Variants in UBE2D2 observed in about 807,000 individuals in gnomAD.
UBE2D2 encodes the protein ubiquitin-conjugating enzyme E2 D2.
Under a neutral mutation model 24.2 loss-of-function variants are expected in UBE2D2, and 2 were observed. The ratio of observed to expected loss-of-function variants is 0.08; its 90% confidence interval spans 0.03 to 0.26. The LOEUF (loss-of-function observed/expected upper bound fraction) is 0.26, where lower values mean the gene tolerates loss of function less well. UBE2D2 is among the 10% of genes least tolerant of loss of function. The pLI, the probability that UBE2D2 is intolerant of heterozygous loss-of-function variation, is 1.00. For missense variants in UBE2D2, 44 were observed against 177.6 expected (o/e 0.25, Z 4.28); for synonymous variants, 58 against 56.5 (o/e 1.03, Z -0.12).
intron 2 of UBE2D2, among the ~76,000 whole-genome samples, chr5:139,614,135 A>G (rs1327806167): frequency 6.6e-6 from 1 of 152,212 alleles, no homozygotes; most frequent in African/African-American, 2.4e-5. Context: ...AGGTAAAGAA[A>G]TAACTGTTTA....
rs59929319 is a variant in UBE2D2, at chr5:139,546,817, T to TCTTCCTTC, written c.-64+20253_-64+20260dup. ...TTTCTTTCTTTCTTTCTTCTTTCTT[T>TCTTCCTTC]CTTCCTTCCTTCCTTCCTTCCTTCC... On this transcript the variant is annotated intron_variant, in intron 1 of 6. Coordinates refer to the UBE2D2 transcript ENST00000511725. Among the ~76,000 whole-genome samples, 158 of 138,412 alleles carry TCTTCCTTC rather than the reference T, an allele frequency of 1.1e-3. 1 individual carries two copies. The highest frequency in any genetic ancestry group is 7.1e-3 in the Middle Eastern group (2 of 280). The allele number at this position is 138,412 out of a possible 152,430, so 90.8% of individuals were successfully genotyped here. A position where few individuals can be genotyped will look rare whatever the true frequency, so the allele number is the denominator to read the frequency against.
intron 1 of UBE2D2, among the ~76,000 whole-genome samples, chr5:139,570,247 G>T (rs1753321693): frequency 6.6e-6 from 1 of 152,100 alleles, no homozygotes; most frequent in Admixed American, 6.6e-5. Flanking sequence ...CTCCAGCCTG[G>T]GCAGCAGAGC....
chr5:139,570,491 C>T (rs1449134355), intron 1 of UBE2D2, among the ~76,000 whole-genome samples: 1 of 151,942 alleles, frequency 6.6e-6, no homozygotes, highest in African/African-American at 2.4e-5. Flanking sequence ...CAGGTGCATG[C>T]CACCACGCCC....
At chr5:139,567,529 GTTTTT>G (rs33998713) in intron 1 of UBE2D2, among the ~76,000 whole-genome samples, 3 of 100,126 alleles carry the variant, frequency 3.0e-5, no homozygotes, top group Admixed American at 2.2e-4. Flanking sequence ...AATTTGCTAA[GTTTTT>G]TTTTTTTTTT....
chr5:139,600,189 A>G lies in UBE2D2; in HGVS notation c.25-183A>G. The stretch of plus-strand genomic sequence containing the variant: ...AATGACCCACTTTAAAAAAATACAC[A>G]TTGCCTTGAAGAATCCAAAATACCT... On this transcript the variant is annotated intron_variant, in intron 1 of 6. Transcript: ENST00000398733. The G allele has an allele frequency of 5.7e-6, 4 of 704,192 alleles. No homozygotes were observed. In the South Asian group the frequency reaches 6.2e-5, roughly 11 times the overall value. The allele number at this position is 704,192 out of a possible 1,614,324, so 43.6% of individuals were successfully genotyped here.
In UBE2D2 at chr5:139,618,042, C is replaced by T. The variant is rs186006054; in HGVS notation, c.304+3076C>T. On this transcript the variant is annotated intron_variant, in intron 5 of 6. Transcript: ENST00000398733. ...AGGCTGGAGTGCAGTGGCGCAATCT[C>T]GGCTCACCACAACCTCCACCTCCCG... is the stretch of plus-strand genomic sequence containing the variant. Among the ~76,000 whole-genome samples, 84 of 151,808 alleles carry T rather than the reference C, an allele frequency of 5.5e-4. 2 individuals are homozygous for T. In the East Asian group the frequency reaches 0.011, roughly 20 times the overall value.
upstream of UBE2D2, among the ~76,000 whole-genome samples, chr5:139,560,005 C>T (rs993538315): frequency 2.6e-5 from 4 of 150,972 alleles, no homozygotes; most frequent in African/African-American, 4.9e-5. Flanking sequence ...TCAGCGGACC[C>T]TCCTGATGGG....
At chr5:139,540,463 G>A (rs1016695474) in intron 1 of UBE2D2, among the ~76,000 whole-genome samples, 5 of 145,152 alleles carry the variant, frequency 3.4e-5, no homozygotes, top group African/African-American at 1.3e-4. Context: ...GGAGAATGGC[G>A]TGAACCCGGG....
chr5:139,560,736 G>A (rs1375867342), upstream of UBE2D2, among the ~76,000 whole-genome samples: 1 of 152,176 alleles, frequency 6.6e-6, no homozygotes, highest in Non-Finnish European at 1.5e-5. Flanking sequence ...AGCAGAGTCT[G>A]GACACCTCGA....
chr5:139,541,984 C>A (rs560884927), intron 1 of UBE2D2, among the ~76,000 whole-genome samples: 1 of 151,946 alleles, frequency 6.6e-6, no homozygotes, highest in Non-Finnish European at 1.5e-5. Flanking sequence ...GTCAGGAGTT[C>A]AAGACCAGCC....
intron 1 of UBE2D2, among the ~76,000 whole-genome samples, chr5:139,551,806 C>G (rs1225482864): frequency 6.6e-6 from 1 of 152,098 alleles, no homozygotes; most frequent in Non-Finnish European, 1.5e-5. Flanking sequence ...GGGAAAACTT[C>G]CAAAAAAGTT....
At chr5:139,585,935 CAAA>C (rs60277561) in intron 1 of UBE2D2, among the ~76,000 whole-genome samples, 18 of 25,566 alleles carry the variant, frequency 7.0e-4, no homozygotes, top group South Asian at 1.8e-3. Flanking sequence ...GACTCTGTCT[CAAA>C]AAAAAAAAAA....
intron 1 of UBE2D2, among the ~76,000 whole-genome samples, chr5:139,541,439 A>C (rs1752760395): frequency 6.6e-6 from 1 of 151,536 alleles, no homozygotes; most frequent in African/African-American, 2.4e-5. Flanking sequence ...GTCTCTACTA[A>C]GAATACAAAA....
At chr5:139,568,786 G>T (rs1013116271) in intron 1 of UBE2D2, among the ~76,000 whole-genome samples, 3 of 152,124 alleles carry the variant, frequency 2.0e-5, no homozygotes, top group Non-Finnish European at 4.4e-5. Context: ...GCCTAGTCAA[G>T]ATGGTGAAAC....
chr5:139,578,990 C>T (rs922516784), intron 1 of UBE2D2, among the ~76,000 whole-genome samples: 17 of 152,034 alleles, frequency 1.1e-4, no homozygotes, highest in Admixed American at 7.2e-4. Flanking sequence ...ATTTTTGAGA[C>T]GAAGTCTCAC....
upstream of UBE2D2, among the ~76,000 whole-genome samples, chr5:139,557,736 G>C (rs898678294): frequency 2.0e-5 from 3 of 152,074 alleles, no homozygotes; most frequent in Non-Finnish European, 4.4e-5. Flanking sequence ...AATAGAGTGA[G>C]AGTCTGTCTC....
intron 2 of UBE2D2, among the ~76,000 whole-genome samples, chr5:139,602,694 A>T (rs1234786231): frequency 6.6e-6 from 1 of 152,108 alleles, no homozygotes; most frequent in Non-Finnish European, 1.5e-5. Flanking sequence ...AAACAACAAC[A>T]ACAACAACAA....
At chr5:139,555,306 G>A (rs2336902) in intron 1 of UBE2D2, among the ~76,000 whole-genome samples, 9,026 of 152,158 alleles carry the variant, frequency 0.059, 310 homozygotes, top group South Asian at 0.11. Flanking sequence ...CTCCCAAAGT[G>A]TTGGGATTAA....
intron 1 of UBE2D2, among the ~76,000 whole-genome samples, chr5:139,580,755 A>G (rs1484629780): frequency 6.6e-6 from 1 of 152,080 alleles, no homozygotes; most frequent in Non-Finnish European, 1.5e-5. Context: ...ACTACAAAAT[A>G]TTTTTTAAAA....
Sources: allele counts gnomAD v4.1 joint callset (sites outside exome capture counted in the v4.1 genomes callset), GRCh38; gene constraint gnomAD v4.1.1; transcripts MANE v1.5; gene names NCBI Gene and HGNC (gene_info 2026-07-23, HGNC 2026-07-21).